The following ADGRE5 variants were observed in gnomAD, a reference collection of about 807,000 sequenced individuals.
ADGRE5 encodes adhesion G protein-coupled receptor E5.
A neutral mutation model predicts 100.3 loss-of-function variants in ADGRE5; 72 were observed. The ratio of observed to expected loss-of-function variants is 0.72; its 90% CI spans 0.59 to 0.87. The LOEUF (loss-of-function observed/expected upper bound fraction) is 0.87. ADGRE5 is among the 40% of genes least tolerant of loss of function. The pLI, the probability that ADGRE5 is intolerant of heterozygous loss-of-function variation, is 0.00. For synonymous variants in ADGRE5, 439 were observed against 447.8 expected (o/e 0.98, Z 0.25); for missense variants, 959 against 1,094.7 (o/e 0.88, Z 1.75).
At chr19:14,397,484 C>T (rs1289529404) in intron 6 of ADGRE5, 174 bp from the exon 7 acceptor site, 11 of 620,378 alleles carry the variant, frequency 1.8e-5, no homozygotes, top group Admixed American at 2.9e-5. Context: ...TCATAACCTG[C>T]TCATCTGCAC....
At chr19:14,393,969 C>G (rs1228258450) in intron 4 of ADGRE5, among the ~76,000 whole-genome samples, 2 of 152,156 alleles carry the variant, frequency 1.3e-5, no homozygotes, top group Admixed American at 1.3e-4. Flanking sequence ...TGGCCCAATA[C>G]CTGTGCAGTG....
chr19:14,405,891 C>A lies in ADGRE5; in HGVS notation c.1773C>A (p.Phe591Leu). 1 of 1,611,800 alleles carries A rather than the reference C, an allele frequency of 6.2e-7. No homozygotes were observed. The highest frequency in any genetic ancestry group is 8.5e-7 in the Non-Finnish European group (1 of 1,179,980). ...ACCTGCACCTCTGCATCTGCCTCTT[C>A]GTGGGCTCCACCATCTTCCTGGCCG... Reference protein sequence around the residue: ...TIHLHLCICLFVGSTIFLAGI... With the variant: ...TIHLHLCICLLVGSTIFLAGI... Residue 591 changes from phenylalanine to leucine, a missense_variant, in exon 14 of 20, where the codon TTC becomes TTA. Physicochemically the swap from Phe to Leu is conservative, Grantham distance 22. Coordinates refer to ENST00000242786, the MANE Select transcript of ADGRE5 (RefSeq NM_078481.4).
intron 9 of ADGRE5, 80 bp downstream of exon 9, chr19:14,398,219 C>A: frequency 1.5e-6 from 2 of 1,313,186 alleles, no homozygotes; most frequent in Non-Finnish European, 2.2e-6. Flanking sequence ...AGAGAGTGCC[C>A]AACCCAAGCA....
At position 14,406,584 on chromosome 19, in the gene ADGRE5, G is replaced by T; in HGVS notation, c.2048+27G>T. 13 of 1,606,138 alleles carry T rather than the reference G, an allele frequency of 8.1e-6. No homozygotes were observed. Among genetic ancestry groups the T allele is most frequent in the Non-Finnish European group, 1.1e-5 (13 of 1,175,352 alleles). ...TGAGTGCAGCGAGATGGGGCAGGAGGAAGGCGGGGTGCTGGGCCTGGGGCT... is the reference window on the plus strand; with the variant it reads ...TGAGTGCAGCGAGATGGGGCAGGAGTAAGGCGGGGTGCTGGGCCTGGGGCT... On this transcript the variant is annotated intron_variant, in intron 15 of 19. Transcript: ENST00000242786. The surrounding 1 kb of genome is among the most constrained non-coding windows in gnomAD (Gnocchi z 6.0).
chr19:14,391,922 C>G (rs907609220), intron 4 of ADGRE5, among the ~76,000 whole-genome samples: 1 of 148,640 alleles, frequency 6.7e-6, no homozygotes, highest in Non-Finnish European at 1.5e-5. Context: ...ATGATGAAAC[C>G]CCCGTCTCTA....
At chr19:14,390,797 T>G (rs1975574000) in intron 3 of ADGRE5, 127 bp from the exon 4 acceptor site, 6 of 1,149,716 alleles carry the variant, frequency 5.2e-6, no homozygotes, top group Non-Finnish European at 7.4e-6. Flanking sequence ...GCCTGTGCAG[T>G]GCAACTTAAG....
At chr19:14,392,976 T>C (rs1034569789) in intron 4 of ADGRE5, among the ~76,000 whole-genome samples, 9 of 148,060 alleles carry the variant, frequency 6.1e-5, no homozygotes, top group Non-Finnish European at 1.2e-4. Context: ...CCGAGGCGGG[T>C]GGATCACGAG....
intron 4 of ADGRE5, among the ~76,000 whole-genome samples, chr19:14,391,711 T>G (rs570613132): frequency 2.0e-5 from 3 of 152,216 alleles, no homozygotes; most frequent in Admixed American, 6.5e-5. Flanking sequence ...CACTCCAGCC[T>G]GAGTGACAGA....
chr19:14,408,518 T>C lies in ADGRE5; in HGVS notation c.*397T>C, dbSNP rs1287427940. ...AAGAGACTAGGCGCTGGGGCTCAGC[T>C]TCCCTCTTAAGCTAAGACTGATGTC... On this transcript the variant is annotated 3_prime_UTR_variant, in exon 20 of 20. Transcript: ENST00000242786. The C allele has an allele frequency of 4.4e-6, 2 of 455,106 alleles. No individual in the cohort carries two copies. Among genetic ancestry groups the C allele is most frequent in the Non-Finnish European group, 8.0e-6 (2 of 250,714 alleles). The allele number at this position is 455,106 out of a possible 1,614,324, so 28.2% of individuals were successfully genotyped here.
At chr19:14,386,962 C>T (rs1326519249) in intron 1 of ADGRE5, among the ~76,000 whole-genome samples, 1 of 151,888 alleles carries the variant, frequency 6.6e-6, no homozygotes, top group East Asian at 1.9e-4. Flanking sequence ...TTGCAGTGAG[C>T]CAGGATCGTG....
In ADGRE5 at chr19:14,387,974, G is replaced by A. The variant is rs1399376222; in HGVS notation, c.23-476G>A. 2.6e-5 allele frequency among the ~76,000 whole-genome samples: 4 copies of A among 152,024 alleles called. No homozygotes were observed. In the East Asian group the frequency reaches 5.8e-4, roughly 22 times the overall value. Reference sequence around the variant, plus strand: ...TCCTGTAATCCCAGCTACTCAGGAGGCTGAAGCAGGAGAATCACTTGAACC... The same window carrying A: ...TCCTGTAATCCCAGCTACTCAGGAGACTGAAGCAGGAGAATCACTTGAACC... On this transcript the variant is annotated intron_variant, in intron 1 of 19. Transcript: ENST00000242786.
intron 4 of ADGRE5, among the ~76,000 whole-genome samples, chr19:14,394,027 G>T (rs1264853575): frequency 6.6e-6 from 1 of 152,196 alleles, no homozygotes; most frequent in Admixed American, 6.5e-5. Flanking sequence ...CTCCCAGGGT[G>T]CTCTGGCTAG....
At position 14,404,443 on chromosome 19, in the gene ADGRE5, A is replaced by C. The variant is rs1198233556; in HGVS notation, c.1510A>C (p.Arg504=). Residue 504 remains arginine, a synonymous_variant, in exon 13 of 20, where the codon AGG becomes CGG. Transcript: ENST00000242786. ...LCAFWKSDSD[R]GGHWATEGCQ... ...TGCCTTCTGGAAGAGTGACAGCGAC[A>C]GGGGAGGGCACTGGGCCACCGAGGG... The C allele has an allele frequency of 2.5e-6, 4 of 1,611,984 alleles. No homozygotes were observed. The Admixed American group carries it at 5.0e-5, about 20-fold the overall frequency.
In ADGRE5 at chr19:14,405,954, C is replaced by A; in HGVS notation, c.1821+15C>A. On this transcript the variant is annotated intron_variant, in intron 14 of 19. Coordinates refer to ENST00000242786, the MANE Select transcript of ADGRE5 (RefSeq NM_078481.4). ...AAGGCGGCCAGGTGAGGTCCCGCCC[C>A]GCTCCCTCCTGAGCTCTGGGGTCAG... 2 of 1,598,870 alleles carry A rather than the reference C, an allele frequency of 1.3e-6. No individual in the cohort carries two copies. Among genetic ancestry groups the A allele is most frequent in the African/African-American group, 1.3e-5 (1 of 74,918 alleles).
intron 9 of ADGRE5, chr19:14,398,345 G>T: frequency 1.7e-6 from 1 of 577,486 alleles, no homozygotes; most frequent in Non-Finnish European, 3.1e-6. Context: ...CACACACCAG[G>T]TATAATGGCA....
chr19:14,402,434 CAAA>C (rs375867062), intron 11 of ADGRE5, among the ~76,000 whole-genome samples, 160 bp from the exon 12 acceptor site: 1 of 127,946 alleles, frequency 7.8e-6, no homozygotes, highest in African/African-American at 2.9e-5. Flanking sequence ...AACTCCGTCT[CAAA>C]AAAAAAAAAA....
In ADGRE5 at chr19:14,405,885, C is replaced by A; in HGVS notation, c.1767C>A (p.Cys589Ter). 6.2e-7 allele frequency: 1 copy of A among 1,612,184 alleles called. No individual in the cohort carries two copies. Among genetic ancestry groups the A allele is most frequent in the Non-Finnish European group, 8.5e-7 (1 of 1,179,990 alleles). ...CCATACACCTGCACCTCTGCATCTG[C>A]CTCTTCGTGGGCTCCACCATCTTCC... ...RTTIHLHLCI[C>*]LFVGSTIFLA... The change falls in exon 14 of 20, where the codon TGC becomes TGA. Residue 589 changes from cysteine to a stop codon, truncating the protein, a stop_gained. Transcript: ENST00000242786. LOFTEE classifies it high-confidence loss of function.
chr19:14,389,947 A>G (rs2146352312), intron 3 of ADGRE5, among the ~76,000 whole-genome samples: 2 of 146,996 alleles, frequency 1.4e-5, no homozygotes, highest in Admixed American at 1.4e-4. Context: ...CCATGAGCAC[A>G]TGCTTGTAAT....
rs1259798790 is a variant in ADGRE5 at position 14,398,629 on chromosome 19, C to T, written c.897+490C>T. ...GGTGGAGCTTGCAGTGAGCCGAGGT[C>T]GTGCAGCTGCACTGCAGCCTGGGCG... On this transcript the variant is annotated intron_variant, in intron 9 of 19. Transcript: ENST00000242786. Among the ~76,000 whole-genome samples, 6 of 137,134 alleles carry T rather than the reference C, an allele frequency of 4.4e-5. No homozygotes were observed. In the South Asian group the frequency reaches 7.1e-4, roughly 16 times the overall value. 90.0% of individuals were successfully genotyped at this position (137,134 alleles called of 152,430 possible). A position where few individuals can be genotyped will look rare whatever the true frequency, so the allele number is the denominator to read the frequency against.
Sources: gnomAD v4.1 joint callset for allele counts (sites outside exome capture counted in the v4.1 genomes callset) on GRCh38, gnomAD v4.1.1 for gene constraint, Gnocchi (gnomAD v3.1) non-coding constraint, MANE v1.5 for transcripts, NCBI Gene and HGNC (gene_info 2026-07-23, HGNC 2026-07-21) for gene names.